Variants in SGPL1 observed in about 807,000 individuals in gnomAD.
The protein encoded by SGPL1 is sphingosine-1-phosphate lyase 1, also known as SP-lyase 1.
SGPL1 carries 37 observed loss-of-function variants against 68.9 expected under a neutral mutation model. The ratio of observed to expected loss-of-function variants is 0.54; its 90% CI spans 0.41 to 0.71. The LOEUF (loss-of-function observed/expected upper bound fraction) is 0.71. SGPL1 is among the 30% of genes least tolerant of loss of function. The pLI is 0.00. For missense variants in SGPL1, 551 were observed against 704.6 expected, an observed-to-expected ratio of 0.78 and a Z score of 2.47; for synonymous variants, 236 against 248.5, an observed-to-expected ratio of 0.95 and a Z score of 0.47.
At chr10:70,876,439 T>C in intron 13 of SGPL1, 102 bp from the exon 14 acceptor site, 1 of 1,074,408 alleles carries the variant, frequency 9.3e-7, no homozygotes, top group South Asian at 1.5e-5. Flanking sequence ...GTCAGAAATA[T>C]TGTGAAAGGG....
chr10:70,862,519 C>T (rs924395206), intron 7 of SGPL1, among the ~76,000 whole-genome samples: 1 of 152,172 alleles, frequency 6.6e-6, no homozygotes, highest in African/African-American at 2.4e-5. Flanking sequence ...CCCTTCCACA[C>T]TGTGGAAGCT....
intron 7 of SGPL1, chr10:70,866,790 T>C (rs1880057): frequency 0.12 from 18,139 of 152,308 alleles, 1,346 homozygotes; most frequent in Non-Finnish European, 0.17. Context: ...TTTTTGGTGA[T>C]GGTCACATGT....
At chr10:70,835,458 C>A (rs960213684) in intron 2 of SGPL1, among the ~76,000 whole-genome samples, 8 of 152,116 alleles carry the variant, frequency 5.3e-5, no homozygotes, top group Non-Finnish European at 7.3e-5. Context: ...CAAGAAGAGG[C>A]CGGGTGCGGT....
rs1169688930 is a variant in SGPL1 at position 70,881,163 on chromosome 10, T to C, written c.*3828T>C. On this transcript the variant is annotated 3_prime_UTR_variant, in exon 15 of 15. Coordinates refer to ENST00000373202, the MANE Select transcript of SGPL1 (RefSeq NM_003901.4). ...ATTTGGATTAATTTTAGAATAAACC[T>C]ATTTATTTCTAAAAAAAAAAAGAAA... The C allele has an allele frequency of 6.6e-6, 1 of 151,960 alleles. No individual in the cohort carries two copies. Among genetic ancestry groups the C allele is most frequent in the Non-Finnish European group, 1.5e-5 (1 of 67,998 alleles). 9.4% of individuals were successfully genotyped at this position (151,960 alleles called of 1,614,324 possible).
At position 70,834,502 on chromosome 10, in the gene SGPL1, A is replaced by C. The variant is rs113118101; in HGVS notation, c.28-9971A>C. 7.5e-3 allele frequency among the ~76,000 whole-genome samples: 1,144 copies of C among 152,276 alleles called. 19 individuals are homozygous for C. Among genetic ancestry groups the C allele is most frequent in the African/African-American group, 0.026 (1,084 of 41,548 alleles). ...AGTAGCATTTTATGATTTTGAAGAC[A>C]ACTTTTCTGAAGTACTTTTCAAACT... On this transcript the variant is annotated intron_variant, in intron 2 of 14. Coordinates refer to ENST00000373202, the MANE Select transcript of SGPL1 (RefSeq NM_003901.4).
intron 8 of SGPL1, 85 bp from the exon 9 acceptor site, chr10:70,869,707 C>T (rs1846253836): frequency 1.0e-6 from 1 of 973,404 alleles, no homozygotes; most frequent in Non-Finnish European, 1.6e-6. Context: ...TCAGAACTTA[C>T]TCCCGGTAAT....
At chr10:70,824,346 G>A (rs1206086507) in intron 2 of SGPL1, among the ~76,000 whole-genome samples, 2 of 152,188 alleles carry the variant, frequency 1.3e-5, no homozygotes, top group Admixed American at 6.5e-5. Context: ...AGCCAGATTG[G>A]TATTTTGCAT....
chr10:70,874,282 C>G (rs1266034159), intron 12 of SGPL1, among the ~76,000 whole-genome samples: 1 of 152,172 alleles, frequency 6.6e-6, no homozygotes, highest in East Asian at 1.9e-4. Flanking sequence ...AGGCATTTCT[C>G]ATTTGAGAAA....
chr10:70,850,340 G>T (rs761857826), intron 3 of SGPL1, among the ~76,000 whole-genome samples: 1 of 152,156 alleles, frequency 6.6e-6, no homozygotes, highest in Non-Finnish European at 1.5e-5. Flanking sequence ...GAGGGCATTT[G>T]TAGGTCCAGA....
intron 2 of SGPL1, among the ~76,000 whole-genome samples, chr10:70,828,267 A>C (rs1778537138): frequency 6.6e-6 from 1 of 152,198 alleles, no homozygotes; most frequent in Admixed American, 6.5e-5. Context: ...CCACACATGG[A>C]GAAGAGCACT....
chr10:70,839,283 A>T (rs1199870750), intron 2 of SGPL1, among the ~76,000 whole-genome samples: 1 of 151,376 alleles, frequency 6.6e-6, no homozygotes, highest in African/African-American at 2.4e-5. Context: ...TAAGGTTTAT[A>T]AGAGTTTGTT....
chr10:70,868,558 C>T, intron 8 of SGPL1, 125 bp downstream of exon 8: 2 of 747,472 alleles, frequency 2.7e-6, no homozygotes, highest in Non-Finnish European at 4.7e-6. Flanking sequence ...GGTCCCCTTT[C>T]CCCCTGTCCT....
At chr10:70,860,364 C>A (rs750269957) in intron 7 of SGPL1, 7 of 464,476 alleles carry the variant, frequency 1.5e-5, no homozygotes, top group Admixed American at 7.3e-5. Context: ...TCGAAGAGCA[C>A]CTAATTTAGT....
At chr10:70,867,430 G>T (rs1029317591) in intron 7 of SGPL1, among the ~76,000 whole-genome samples, 2 of 152,160 alleles carry the variant, frequency 1.3e-5, no homozygotes, top group Non-Finnish European at 2.9e-5. Context: ...GGGCATGGTG[G>T]TGGGCGCCTG....
intron 7 of SGPL1, among the ~76,000 whole-genome samples, chr10:70,864,927 G>C (rs1226425521): frequency 6.6e-6 from 1 of 152,206 alleles, no homozygotes; most frequent in Admixed American, 6.5e-5. Flanking sequence ...ATTTGGAAGA[G>C]ATAATATACC....
chr10:70,874,042 ACTGCTC>A (rs1411672669), intron 12 of SGPL1, among the ~76,000 whole-genome samples: 4 of 152,312 alleles, frequency 2.6e-5, no homozygotes, highest in South Asian at 2.1e-4. Context: ...TACTGATGCT[ACTGCTC>A]CAGGAATCAT....
chr10:70,868,298 G>A (rs1460382585), intron 7 of SGPL1, 47 bp from the exon 8 acceptor site: 1 of 1,353,836 alleles, frequency 7.4e-7, no homozygotes, highest in East Asian at 2.3e-5. Context: ...TGAAGAGCCG[G>A]GGCATTCCTG....
intron 1 of SGPL1, among the ~76,000 whole-genome samples, chr10:70,816,407 G>A (rs991928621): frequency 3.9e-5 from 6 of 152,108 alleles, no homozygotes; most frequent in Non-Finnish European, 1.5e-5. Context: ...CCTCCGACGG[G>A]AGGGGTGACA....
At chr10:70,845,563 C>G (rs1845779971) in intron 3 of SGPL1, among the ~76,000 whole-genome samples, 1 of 152,100 alleles carries the variant, frequency 6.6e-6, no homozygotes, top group African/African-American at 2.4e-5. Flanking sequence ...TGAGCAGTCT[C>G]AGTGATCTGC....
Sources: allele counts gnomAD v4.1 joint callset (sites outside exome capture counted in the v4.1 genomes callset), GRCh38; gene constraint gnomAD v4.1.1; transcripts MANE v1.5; gene names NCBI Gene and HGNC (gene_info 2026-07-23, HGNC 2026-07-21).